DCHS2: variants seen among roughly 807,000 people sequenced by gnomAD.
DCHS2 encodes dachsous cadherin-related 2, also known as protocadherin-23.
DCHS2 carries 142 observed loss-of-function variants against 182.4 expected under a neutral mutation model. That is an observed-to-expected ratio of 0.78 (90% CI 0.68 to 0.89). DCHS2 has a LOEUF of 0.89. Ranked by LOEUF, DCHS2 falls within the 40% of genes least tolerant of loss-of-function variation. The probability of loss-of-function intolerance (pLI) is 0.00; values close to 1 mark genes in which losing one functional copy is unlikely to be tolerated. For synonymous variants in DCHS2, 1,740 were observed against 1,663.3 expected, an observed-to-expected ratio of 1.05 and a Z score of -1.12; for missense variants, 4,319 against 4,198.6, an observed-to-expected ratio of 1.03 and a Z score of -0.79.
intron 1 of DCHS2, 41 bp from the exon 2 acceptor site, chr4:154,377,485 A>G: frequency 6.6e-7 from 1 of 1,524,278 alleles, no homozygotes; most frequent in Non-Finnish European, 9.0e-7. Flanking sequence ...CAGAAATGCT[A>G]GCATTACTTT....
At chr4:154,373,861 C>A in intron 2 of DCHS2, 1 of 1,408,464 alleles carries the variant, frequency 7.1e-7, no homozygotes, top group Non-Finnish European at 9.9e-7. Context: ...GCTCTGACAA[C>A]CCATTTCCAG....
At chr4:154,275,889 T>C (rs1168696270) in intron 13 of DCHS2, among the ~76,000 whole-genome samples, 1 of 152,188 alleles carries the variant, frequency 6.6e-6, no homozygotes, top group Non-Finnish European at 1.5e-5. Flanking sequence ...AACAATCCTA[T>C]TTTTGTTGCA....
At chr4:154,449,057 C>T (rs1169233320) in intron 1 of DCHS2, among the ~76,000 whole-genome samples, 4 of 152,148 alleles carry the variant, frequency 2.6e-5, no homozygotes, top group Non-Finnish European at 2.9e-5. Flanking sequence ...CCCACAAACA[C>T]ACCTATATTG....
chr4:154,455,375 A>G (rs1238553793), intron 1 of DCHS2, among the ~76,000 whole-genome samples: 1 of 152,250 alleles, frequency 6.6e-6, no homozygotes, highest in Non-Finnish European at 1.5e-5. Context: ...GAAGGAAGAG[A>G]TGGGAATGGA....
intron 3 of DCHS2, among the ~76,000 whole-genome samples, chr4:154,347,146 A>G (rs2111398358): frequency 6.6e-6 from 1 of 151,216 alleles, no homozygotes; most frequent in East Asian, 1.9e-4. Flanking sequence ...AAATGCTATG[A>G]ATGTTAGAGT....
chr4:154,311,524 C>A (rs1032185826), intron 10 of DCHS2, among the ~76,000 whole-genome samples: 1 of 152,096 alleles, frequency 6.6e-6, no homozygotes, highest in African/African-American at 2.4e-5. Flanking sequence ...CATGAGCCAC[C>A]GTGCCCAGCC....
intron 9 of DCHS2, 133 bp downstream of exon 9, chr4:154,320,246 C>A: frequency 2.9e-6 from 4 of 1,369,064 alleles, no homozygotes; most frequent in East Asian, 2.5e-5. Context: ...TCTAGAGATA[C>A]GCTGTGCAAC....
intron 14 of DCHS2, among the ~76,000 whole-genome samples, chr4:154,266,190 G>A (rs1290490276): frequency 6.6e-6 from 1 of 152,170 alleles, no homozygotes; most frequent in East Asian, 1.9e-4. Context: ...ACTACTGAAT[G>A]TCTGATGGTA....
rs1485514665 is a variant in DCHS2 at position 154,371,847 on chromosome 4, CG to C, written c.2244+5405del. 4.9e-5 allele frequency among the ~76,000 whole-genome samples: 7 copies of C among 142,816 alleles called. No individual in the cohort carries two copies. The East Asian group carries it at 6.3e-4, about 13-fold the overall frequency. The allele number at this position is 142,816 out of a possible 152,430, so 93.7% of individuals were successfully genotyped here. A position where few individuals can be genotyped will look rare whatever the true frequency, so the allele number is the denominator to read the frequency against. On this transcript the variant is annotated intron_variant, in intron 2 of 19. Transcript: ENST00000357232. ...TCACTCACTATCAGGAGAACAGTAC[CG>C]GAGGGGGATGGTGCTAAACTATTCA...
rs1428036680 is a variant in DCHS2, at chr4:154,298,507, A to G, written c.5807T>C (p.Leu1936Pro). Residue 1936 changes from leucine to proline, a missense_variant, in exon 13 of 20, where the codon CTT becomes CCT. Coordinates refer to ENST00000357232, the MANE Select transcript of DCHS2 (RefSeq NM_001358235.2). ...TTCTCTCACAGAGGACTGGTAATAAAGTGTGGGAAAAGAAGGACTGTGGTC... is the reference window on the plus strand; with the variant it reads ...TTCTCTCACAGAGGACTGGTAATAAGGTGTGGGAAAAGAAGGACTGTGGTC... ...ANDHSPSFPT[L>P]YYQSSVREDA... The G allele has an allele frequency of 6.2e-7, 1 of 1,614,146 alleles. No individual in the cohort carries two copies. Among genetic ancestry groups the G allele is most frequent in the East Asian group, 2.2e-5 (1 of 44,874 alleles).
Position 154,298,709 on chromosome 4 carries a change from C to T in DCHS2, c.5606-1G>A, listed in dbSNP as rs867561563. ...GTAAAGCACTCATCAGTATTTCCATCTATTAAAGAAAACAATTACAAATTC... is the reference window on the plus strand; with the variant it reads ...GTAAAGCACTCATCAGTATTTCCATTTATTAAAGAAAACAATTACAAATTC... On this transcript the variant is annotated splice_acceptor_variant, in intron 12 of 19. Transcript: ENST00000357232. LOFTEE classifies it high-confidence loss of function. The T allele has an allele frequency of 1.3e-6, 2 of 1,546,844 alleles. No individual in the cohort carries two copies. Among genetic ancestry groups the T allele is most frequent in the Non-Finnish European group, 1.7e-6 (2 of 1,149,454 alleles).
At chr4:154,324,874 T>A (rs930039918) in intron 7 of DCHS2, among the ~76,000 whole-genome samples, 7 of 152,214 alleles carry the variant, frequency 4.6e-5, no homozygotes, top group Non-Finnish European at 1.0e-4. Flanking sequence ...TTCATGAATA[T>A]GATACATACC....
At chr4:154,365,815 A>AT (rs573608217) in intron 3 of DCHS2, among the ~76,000 whole-genome samples, 184 of 143,690 alleles carry the variant, frequency 1.3e-3, no homozygotes, top group African/African-American at 2.8e-3. Flanking sequence ...CGTCCGGCTA[A>AT]TTTTTTTTTT....
intron 9 of DCHS2, among the ~76,000 whole-genome samples, chr4:154,319,392 C>A (rs191371972): frequency 6.6e-6 from 1 of 151,518 alleles, no homozygotes; most frequent in African/African-American, 2.4e-5. Flanking sequence ...AAAAAGGCAA[C>A]CTATAGAATG....
At chr4:154,319,665 A>G (rs1735982789) in intron 9 of DCHS2, among the ~76,000 whole-genome samples, 1 of 143,762 alleles carries the variant, frequency 7.0e-6, no homozygotes, top group Non-Finnish European at 1.5e-5. Context: ...CTAAAAAAAA[A>G]AAAAAAAAAA....
chr4:154,414,222 T>C (rs1302580097), intron 1 of DCHS2, among the ~76,000 whole-genome samples: 1 of 151,684 alleles, frequency 6.6e-6, no homozygotes, highest in African/African-American at 2.4e-5. Context: ...TAGATATATG[T>C]TCCAATTCAG....
intron 1 of DCHS2, among the ~76,000 whole-genome samples, chr4:154,446,616 A>G (rs1734294209): frequency 6.6e-6 from 1 of 152,148 alleles, no homozygotes. Flanking sequence ...ATATACAGAG[A>G]GTAAGGGATT....
intron 1 of DCHS2, among the ~76,000 whole-genome samples, chr4:154,445,808 CAAAA>C (rs11335225): frequency 9.0e-6 from 1 of 110,816 alleles, no homozygotes; most frequent in Non-Finnish European, 1.9e-5. Context: ...AAGACACTGT[CAAAA>C]AAAAAAAAAA....
intron 1 of DCHS2, among the ~76,000 whole-genome samples, chr4:154,393,327 T>C (rs10008132): frequency 0.035 from 5,274 of 152,284 alleles, 287 homozygotes; most frequent in African/African-American, 0.12. Flanking sequence ...GCTCTTCAAC[T>C]AATCTCTCAG....
Sources: allele counts gnomAD v4.1 joint callset (sites outside exome capture counted in the v4.1 genomes callset), GRCh38; gene constraint gnomAD v4.1.1; transcripts MANE v1.5; gene names NCBI Gene and HGNC (gene_info 2026-07-23, HGNC 2026-07-21).